Variants in AUTS2 observed in about 807,000 individuals in gnomAD.
The protein encoded by AUTS2 is activator of transcription and developmental regulator AUTS2.
Under a neutral mutation model 112.4 loss-of-function variants are expected in AUTS2, and 17 were observed. That is an observed-to-expected ratio of 0.15 (90% CI 0.10 to 0.23). The LOEUF is 0.23. Ranked by LOEUF, AUTS2 falls within the 10% of genes least tolerant of loss-of-function variation. AUTS2 has a pLI of 1.00. For synonymous variants in AUTS2, 751 were observed against 702.7 expected (o/e 1.07, Z -1.09); for missense variants, 1,510 against 1,701.6 (o/e 0.89, Z 1.98).
chr7:69,923,123 A>T (rs1795878608), intron 2 of AUTS2, among the ~76,000 whole-genome samples: 1 of 152,180 alleles, frequency 6.6e-6, no homozygotes, highest in South Asian at 2.1e-4. Context: ...CTTGACATGA[A>T]GTAGACTGTG....
chr7:70,558,885 A>G (rs1417588462), intron 5 of AUTS2, among the ~76,000 whole-genome samples: 1 of 152,224 alleles, frequency 6.6e-6, no homozygotes, highest in Non-Finnish European at 1.5e-5. Context: ...TGCAAAATGT[A>G]GAGACATTAT....
intron 1 of AUTS2, among the ~76,000 whole-genome samples, chr7:69,660,543 T>A (rs1342888509): frequency 1.3e-5 from 2 of 152,188 alleles, no homozygotes; most frequent in South Asian, 4.1e-4. Context: ...TTACTTATTT[T>A]GAGTGGAGGT....
At chr7:69,872,831 A>ATTT (rs1793558367) in intron 1 of AUTS2, among the ~76,000 whole-genome samples, 7 of 90,518 alleles carry the variant, frequency 7.7e-5, no homozygotes, top group African/African-American at 2.4e-4. Context: ...TGTAGCCTAT[A>ATTT]TTCTTTTTTT....
In AUTS2 at chr7:70,345,233, C is replaced by T. The variant is rs892307792; in HGVS notation, c.661-90519C>T. The stretch of plus-strand genomic sequence containing the variant: ...GATTGGGTGACTACTGGATGGTTAT[C>T]TAATCCAACTTCCCTCCAGAAAGTC... On this transcript the variant is annotated intron_variant, in intron 4 of 18. Transcript: ENST00000342771. 2.0e-5 allele frequency among the ~76,000 whole-genome samples: 3 copies of T among 152,160 alleles called. No individual in the cohort carries two copies. In the South Asian group the frequency reaches 6.2e-4, roughly 32 times the overall value.
intron 5 of AUTS2, among the ~76,000 whole-genome samples, chr7:70,462,155 G>A (rs919048519): frequency 6.6e-6 from 1 of 152,178 alleles, no homozygotes; most frequent in Non-Finnish European, 1.5e-5. Context: ...AGGAGGCTGA[G>A]GCGGGAGAAT....
intron 1 of AUTS2, among the ~76,000 whole-genome samples, chr7:69,726,132 T>C (rs1786501213): frequency 6.6e-6 from 1 of 152,192 alleles, no homozygotes; most frequent in African/African-American, 2.4e-5. Context: ...TGTAGCACAC[T>C]TACCCATCAA....
chr7:69,780,216 T>C lies in AUTS2; in HGVS notation c.310-119070T>C, dbSNP rs138930427. Among the ~76,000 whole-genome samples the C allele has an allele frequency of 1.3e-3, 204 of 152,348 alleles. 2 individuals are homozygous for C. Among genetic ancestry groups the C allele is most frequent in the African/African-American group, 4.6e-3 (193 of 41,572 alleles). On this transcript the variant is annotated intron_variant, in intron 1 of 18. Transcript: ENST00000342771. ...TTTGGCCATATCAGATTTTAGTTGC[T>C]ATTAAATTTTATTCTTAATTTATCA... is the stretch of plus-strand genomic sequence containing the variant.
chr7:69,661,472 A>G (rs1584027268), intron 1 of AUTS2, among the ~76,000 whole-genome samples: 1 of 152,118 alleles, frequency 6.6e-6, no homozygotes, highest in African/African-American at 2.4e-5. Context: ...AAATGCAGGC[A>G]CTATTTAGCA....
chr7:69,988,798 A>G (rs1163191503), intron 2 of AUTS2, among the ~76,000 whole-genome samples: 1 of 152,148 alleles, frequency 6.6e-6, no homozygotes, highest in African/African-American at 2.4e-5. Context: ...TTCCTGTTTA[A>G]TTTCCCGTAC....
chr7:69,980,993 G>A (rs1798274272), intron 2 of AUTS2, among the ~76,000 whole-genome samples: 1 of 152,178 alleles, frequency 6.6e-6, no homozygotes, highest in South Asian at 2.1e-4. Context: ...TTGGAATGCA[G>A]AATCATTTTA....
chr7:70,250,994 G>A (rs1241841216), intron 4 of AUTS2, among the ~76,000 whole-genome samples: 1 of 152,006 alleles, frequency 6.6e-6, no homozygotes, highest in African/African-American at 2.4e-5. Context: ...ACCTGCACAT[G>A]TACCCCTGAA....
At position 70,069,790 on chromosome 7, in the gene AUTS2, G is replaced by C. The variant is rs917754583; in HGVS notation, c.523-48342G>C. Reference sequence around the variant, plus strand: ...TTCAAATTCTAATTCATGAATATCAGGGTATAAAATATTAAATATGCTGGT... The same window carrying C: ...TTCAAATTCTAATTCATGAATATCACGGTATAAAATATTAAATATGCTGGT... On this transcript the variant is annotated intron_variant, in intron 2 of 18. Coordinates refer to ENST00000342771, the MANE Select transcript of AUTS2 (RefSeq NM_015570.4). 1.3e-4 allele frequency among the ~76,000 whole-genome samples: 20 copies of C among 150,466 alleles called. 1 individual carries two copies. Among genetic ancestry groups the C allele is most frequent in the African/African-American group, 4.9e-4 (20 of 40,858 alleles).
At chr7:70,589,466 C>T (rs1471750765) in intron 5 of AUTS2, among the ~76,000 whole-genome samples, 1 of 152,176 alleles carries the variant, frequency 6.6e-6, no homozygotes, top group African/African-American at 2.4e-5. Flanking sequence ...ATAATCCTAG[C>T]ATTTTGGGAG....
At chr7:70,765,065 A>C in intron 8 of AUTS2, 60 bp downstream of exon 8, 3 of 1,592,216 alleles carry the variant, frequency 1.9e-6, no homozygotes, top group South Asian at 1.1e-5. Context: ...CTGTGACCTC[A>C]CCCTACCTAT....
chr7:70,554,928 T>C (rs1801185950), intron 5 of AUTS2, among the ~76,000 whole-genome samples: 1 of 152,236 alleles, frequency 6.6e-6, no homozygotes, highest in African/African-American at 2.4e-5. Flanking sequence ...TTTGAGCACA[T>C]GTTAATTGGC....
At chr7:69,726,392 G>T (rs538619026) in intron 1 of AUTS2, among the ~76,000 whole-genome samples, 3 of 152,074 alleles carry the variant, frequency 2.0e-5, no homozygotes, top group South Asian at 2.1e-4. Context: ...TTGCTGAATA[G>T]TACCCTGTTG....
intron 4 of AUTS2, among the ~76,000 whole-genome samples, chr7:70,267,430 C>T (rs1787485701): frequency 6.6e-6 from 1 of 152,132 alleles, no homozygotes; most frequent in Non-Finnish European, 1.5e-5. Context: ...TTGTCTTCTA[C>T]CCAGGACAAG....
intron 1 of AUTS2, among the ~76,000 whole-genome samples, chr7:69,672,004 G>C (rs1199744480): frequency 6.6e-6 from 1 of 151,914 alleles, no homozygotes; most frequent in African/African-American, 2.4e-5. Flanking sequence ...GTTGAGGGGG[G>C]GTCCCATATT....
At chr7:69,988,055 A>G (rs542162615) in intron 2 of AUTS2, among the ~76,000 whole-genome samples, 4 of 152,316 alleles carry the variant, frequency 2.6e-5, no homozygotes, top group African/African-American at 7.2e-5. Flanking sequence ...AGCCTTTACT[A>G]AAGCTGCCTT....
Sources: allele counts gnomAD v4.1 joint callset (sites outside exome capture counted in the v4.1 genomes callset), GRCh38; gene constraint gnomAD v4.1.1; transcripts MANE v1.5; gene names NCBI Gene and HGNC (gene_info 2026-07-23, HGNC 2026-07-21).